IL22RA2: variants seen among roughly 807,000 people sequenced by gnomAD.
The protein encoded by IL22RA2 is interleukin 22 receptor subunit alpha 2.
Under a neutral mutation model 30.7 loss-of-function variants are expected in IL22RA2, and 39 were observed. The ratio of observed to expected loss-of-function variants is 1.27; its 90% CI spans 0.98 to 1.66. The LOEUF (loss-of-function observed/expected upper bound fraction) is 1.66, where lower values mean the gene tolerates loss of function less well. IL22RA2 is among the 40% of genes most tolerant of loss of function. The pLI is 0.00. For synonymous variants in IL22RA2, 103 were observed against 105.0 expected, an observed-to-expected ratio of 0.98 and a Z score of 0.11; for missense variants, 315 against 312.7, an observed-to-expected ratio of 1.01 and a Z score of -0.05.
chr6:137,170,845 A>T (rs969676799), intron 1 of IL22RA2, among the ~76,000 whole-genome samples: 4 of 152,184 alleles, frequency 2.6e-5, no homozygotes, highest in African/African-American at 9.7e-5. Flanking sequence ...TATGACAAGT[A>T]TGTGTTCTCA....
At chr6:137,158,249 A>C in intron 3 of IL22RA2, 98 bp downstream of exon 3, 1 of 1,452,160 alleles carries the variant, frequency 6.9e-7, no homozygotes, top group Non-Finnish European at 9.5e-7. Flanking sequence ...AACCCCTCTG[A>C]AACTGAAAAA....
At chr6:137,159,113 G>T (rs1778468058) in intron 2 of IL22RA2, among the ~76,000 whole-genome samples, 1 of 152,166 alleles carries the variant, frequency 6.6e-6, no homozygotes, top group African/African-American at 2.4e-5. Flanking sequence ...CCTGCTGGGG[G>T]GTAGTGTTTC....
At chr6:137,152,860 T>C (rs1448338055) in intron 5 of IL22RA2, among the ~76,000 whole-genome samples, 1 of 152,152 alleles carries the variant, frequency 6.6e-6, no homozygotes, top group East Asian at 1.9e-4. Flanking sequence ...GGATCTCCTC[T>C]TACCAAAGTT....
rs145355749 is a variant in IL22RA2, at chr6:137,163,946, C to T, written c.-65-2132G>A. ...AAAACCAGACCTAGGACACTGCATA[C>T]GGCCCAGAGGACCAGCTCCACAGCT... On this transcript the variant is annotated intron_variant, in intron 1 of 6. Coordinates refer to ENST00000296980, the MANE Select transcript of IL22RA2 (RefSeq NM_052962.3). 9.0e-4 allele frequency among the ~76,000 whole-genome samples: 137 copies of T among 152,278 alleles called. No individual in the cohort carries two copies. In the East Asian group the frequency reaches 0.023, roughly 25 times the overall value.
chr6:137,156,986 C>T, intron 3 of IL22RA2, 132 bp from the exon 4 acceptor site: 1 of 1,247,784 alleles, frequency 8.0e-7, no homozygotes, highest in Admixed American at 2.2e-5. Flanking sequence ...AGAACTCACT[C>T]AACTGCAGCA....
rs1001555617 is a variant in IL22RA2, at chr6:137,161,773, C to A, written c.-24G>T. 1.2e-6 allele frequency: 2 copies of A among 1,603,892 alleles called. No individual in the cohort carries two copies. Among genetic ancestry groups the A allele is most frequent in the South Asian group, 2.2e-5 (2 of 90,352 alleles). Reference sequence around the variant, plus strand: ...ATGGTTGCAAGTGTGACTGTTCAGGCAACCAGTGTTCCTTTTAACCAGCTC... The same window carrying A: ...ATGGTTGCAAGTGTGACTGTTCAGGAAACCAGTGTTCCTTTTAACCAGCTC... On this transcript the variant is annotated 5_prime_UTR_variant, in exon 2 of 7. Coordinates refer to ENST00000296980, the MANE Select transcript of IL22RA2 (RefSeq NM_052962.3).
chr6:137,147,007 C>T (rs540241898), intron 6 of IL22RA2, among the ~76,000 whole-genome samples: 31 of 148,556 alleles, frequency 2.1e-4, no homozygotes, highest in Non-Finnish European at 4.2e-4. Context: ...AAAAAAAAAT[C>T]GCAGCAAAAC....
chr6:137,150,776 G>A (rs945953741), intron 5 of IL22RA2, among the ~76,000 whole-genome samples: 14 of 152,138 alleles, frequency 9.2e-5, no homozygotes, highest in Admixed American at 7.9e-4. Flanking sequence ...TCCTCTACTA[G>A]AGAATTGCTT....
intron 2 of IL22RA2, among the ~76,000 whole-genome samples, chr6:137,159,054 TAATC>T (rs1214637326): frequency 6.6e-6 from 1 of 152,178 alleles, no homozygotes; most frequent in Non-Finnish European, 1.5e-5. Context: ...TATCCAAGCA[TAATC>T]CCTCAGATGA....
intron 1 of IL22RA2, among the ~76,000 whole-genome samples, chr6:137,163,376 G>A (rs1426828985): frequency 1.3e-5 from 2 of 152,104 alleles, no homozygotes; most frequent in Non-Finnish European, 2.9e-5. Context: ...CATTTCCGGG[G>A]ACCAGTCTGG....
At position 137,144,621 on chromosome 6, in the gene IL22RA2, A is replaced by G. The variant is rs541618839; in HGVS notation, c.*1003T>C. On this transcript the variant is annotated 3_prime_UTR_variant, in exon 7 of 7. Transcript: ENST00000296980. ...AGCTCTATAGTCTCTGTAGGCACCT[A>G]CCAACACCGGTCCTTCTCCTGCTAC... is the stretch of plus-strand genomic sequence containing the variant. 8 of 151,748 alleles carry G rather than the reference A, an allele frequency of 5.3e-5. No individual in the cohort carries two copies. Among genetic ancestry groups the G allele is most frequent in the Admixed American group, 4.6e-4 (7 of 15,262 alleles). The allele number at this position is 151,748 out of a possible 1,614,324, so 9.4% of individuals were successfully genotyped here.
rs762395481 is a variant in IL22RA2 at position 137,154,997 on chromosome 6, G to A, written c.416C>T (p.Ser139Leu). 1.2e-5 allele frequency: 19 copies of A among 1,613,932 alleles called. No individual in the cohort carries two copies. The highest frequency in any genetic ancestry group is 6.7e-5 in the East Asian group (3 of 44,878). Residue 139 changes from serine to leucine, a missense_variant, in exon 5 of 7, where the codon TCG becomes TTG. Ser to Leu is a moderately radical substitution (Grantham distance 145). Transcript: ENST00000296980. ...EPYYGRVRAA[S>L]AGSYSEWSMT... ...GCTCCATTCTGAGTAGCTCCCAGCC[G>A]AGGCCGCCCTCACCCTCCCGTAATA...
chr6:137,166,683 T>C (rs1440532979), intron 1 of IL22RA2, among the ~76,000 whole-genome samples: 2 of 152,176 alleles, frequency 1.3e-5, no homozygotes, highest in Non-Finnish European at 2.9e-5. Flanking sequence ...GAAAGGAAGT[T>C]GGTGGAAGTT....
intron 1 of IL22RA2, among the ~76,000 whole-genome samples, chr6:137,164,666 A>G (rs369529995): frequency 2.6e-4 from 39 of 152,352 alleles, no homozygotes; most frequent in African/African-American, 8.7e-4. Flanking sequence ...GAGAGGAGCC[A>G]GAGCCCTTGA....
chr6:137,166,766 A>G (rs967631358), intron 1 of IL22RA2, among the ~76,000 whole-genome samples: 3 of 152,254 alleles, frequency 2.0e-5, no homozygotes, highest in Non-Finnish European at 2.9e-5. Flanking sequence ...ATCAAGGAAC[A>G]CATATGGGAA....
chr6:137,164,158 A>T (rs941211392), intron 1 of IL22RA2, among the ~76,000 whole-genome samples: 17 of 152,214 alleles, frequency 1.1e-4, no homozygotes, highest in African/African-American at 4.1e-4. Flanking sequence ...CTTTAAAAAA[A>T]GTTTTAATGG....
In IL22RA2 at chr6:137,155,134, A is replaced by C. The variant is rs1397348731; in HGVS notation, c.294-15T>G. The C allele has an allele frequency of 6.6e-7, 1 of 1,512,122 alleles. No individual in the cohort carries two copies. The highest frequency in any genetic ancestry group is 2.4e-5 in the East Asian group (1 of 41,910). The allele number at this position is 1,512,122 out of a possible 1,614,324, so 93.7% of individuals were successfully genotyped here. Reference sequence around the variant, plus strand: ...TCTGTCCATATCTGTAGCAGGGAAAAGGCAAAGATCTGAGTTTCTTTTCTC... The same window carrying C: ...TCTGTCCATATCTGTAGCAGGGAAACGGCAAAGATCTGAGTTTCTTTTCTC... On this transcript the variant is annotated splice_polypyrimidine_tract_variant and intron_variant, in intron 4 of 6. Transcript: ENST00000296980.
chr6:137,169,807 A>G (rs918616562), intron 1 of IL22RA2, among the ~76,000 whole-genome samples: 6 of 152,238 alleles, frequency 3.9e-5, no homozygotes, highest in African/African-American at 1.4e-4. Flanking sequence ...GTACTGAATT[A>G]TGTTTTAGCT....
In IL22RA2 at chr6:137,147,873, A is replaced by G. The variant is rs1778212641; in HGVS notation, c.491T>C (p.Val164Ala). The part of the protein sequence containing the change: ...PWWETKIDPP[V>A]MNITQVNGSL... ...GCCATTGACTTGGGTTATATTCATG[A>G]CTGGAGGATCTATTTTTGCTGAAGA... The change falls in exon 6 of 7, where the codon GTC becomes GCC. Residue 164 changes from valine (V) to alanine (A), a missense_variant. Coordinates refer to ENST00000296980, the MANE Select transcript of IL22RA2 (RefSeq NM_052962.3). 3 of 1,610,046 alleles carry G rather than the reference A, an allele frequency of 1.9e-6. No individual in the cohort carries two copies. Among genetic ancestry groups the G allele is most frequent in the Non-Finnish European group, 2.5e-6 (3 of 1,178,788 alleles).
Sources: gnomAD v4.1 joint callset for allele counts (sites outside exome capture counted in the v4.1 genomes callset) on GRCh38, gnomAD v4.1.1 for gene constraint, MANE v1.5 for transcripts, NCBI Gene and HGNC (gene_info 2026-07-23, HGNC 2026-07-21) for gene names.